The following RBM33 variants were observed in gnomAD, a reference collection of about 807,000 sequenced individuals.
RBM33 encodes RNA binding motif protein 33, also known as RNA-binding protein 33.
In RBM33, 28 loss-of-function variants were observed where a neutral mutation model predicts 132.6. The ratio of observed to expected loss-of-function variants is 0.21; its 90% CI spans 0.16 to 0.29. The LOEUF (loss-of-function observed/expected upper bound fraction) is 0.29, where lower values mean the gene tolerates loss of function less well. RBM33 is among the 10% of genes least tolerant of loss of function. RBM33 has a pLI of 1.00. For synonymous variants in RBM33, 634 were observed against 593.0 expected (o/e 1.07, Z -1.01); for missense variants, 1,291 against 1,518.5 (o/e 0.85, Z 2.49).
chr7:155,671,854 G>A (rs1016256706), intron 2 of RBM33, among the ~76,000 whole-genome samples: 1 of 152,046 alleles, frequency 6.6e-6, no homozygotes, highest in Non-Finnish European at 1.5e-5. Flanking sequence ...TGATCTAGTG[G>A]TAGCCATTTT....
chr7:155,718,149 A>G (rs973941583), intron 8 of RBM33, among the ~76,000 whole-genome samples: 5 of 152,190 alleles, frequency 3.3e-5, no homozygotes, highest in Admixed American at 1.3e-4. Context: ...ATAATAGTCA[A>G]CTATTGAGAT....
chr7:155,732,068 G>A (rs971491136), intron 9 of RBM33, among the ~76,000 whole-genome samples: 1 of 152,162 alleles, frequency 6.6e-6, no homozygotes, highest in Non-Finnish European at 1.5e-5. Flanking sequence ...ACCTGGGGAG[G>A]AGCCTGCCTA....
In RBM33 at chr7:155,744,370, C is replaced by T. The variant is rs567193412; in HGVS notation, c.2338-591C>T. 2.6e-5 allele frequency among the ~76,000 whole-genome samples: 4 copies of T among 152,206 alleles called. No homozygotes were observed. In the South Asian group the frequency reaches 6.2e-4, roughly 24 times the overall value. On this transcript the variant is annotated intron_variant, in intron 13 of 17. Coordinates refer to ENST00000401878, the MANE Select transcript of RBM33 (RefSeq NM_053043.3). ...GGTTTGGAACTTGGAATATTAAAGG[C>T]GTTCCTTATATACCATTAATATTCC...
At chr7:155,678,827 A>G (rs1251713401) in intron 4 of RBM33, 143 bp downstream of exon 4, 7 of 570,186 alleles carry the variant, frequency 1.2e-5, no homozygotes, top group Non-Finnish European at 2.2e-5. Flanking sequence ...AATACTAGTA[A>G]TAACTGTAGA....
At position 155,711,258 on chromosome 7, in the gene RBM33, T is replaced by C. The variant is rs771268458; in HGVS notation, c.1004T>C (p.Leu335Pro). 1 of 1,601,622 alleles carries C rather than the reference T, an allele frequency of 6.2e-7. No homozygotes were observed. The highest frequency in any genetic ancestry group is 1.7e-5 in the Admixed American group (1 of 58,056). ...PPPQQQPIRS[L>P]FQPQPLQPLL... is the part of the protein sequence containing the mutation. ...CCTCAGCAGCAGCCGATCAGAAGCC[T>C]GTTCCAGCCGCAGCCGCTGCAGCCG... is the stretch of plus-strand genomic sequence containing the variant. Residue 335 changes from leucine (L) to proline (P), a missense_variant, in exon 8 of 18, where the codon CTG (leucine) becomes CCG (proline). Coordinates refer to ENST00000401878, the MANE Select transcript of RBM33 (RefSeq NM_053043.3).
At chr7:155,735,932 G>A (rs1419651929) in intron 9 of RBM33, among the ~76,000 whole-genome samples, 1 of 152,086 alleles carries the variant, frequency 6.6e-6, no homozygotes, top group Non-Finnish European at 1.5e-5. Flanking sequence ...CTAATGTCAG[G>A]CAATAGTATG....
chr7:155,684,989 CTG>C (rs2116930414), intron 5 of RBM33: 1 of 1,550,450 alleles, frequency 6.4e-7, no homozygotes, highest in African/African-American at 1.4e-5. Flanking sequence ...AGCAGGAAGA[CTG>C]TGTGGCTGAA....
chr7:155,679,532 A>T (rs1799280277), intron 4 of RBM33, among the ~76,000 whole-genome samples: 1 of 152,174 alleles, frequency 6.6e-6, no homozygotes, highest in Non-Finnish European at 1.5e-5. Flanking sequence ...AATAGTTTTT[A>T]TTTTATGAGG....
At chr7:155,673,940 GTTTTTTTTTTTTTT>G (rs71186053) in intron 3 of RBM33, among the ~76,000 whole-genome samples, 3 of 54,214 alleles carry the variant, frequency 5.5e-5, no homozygotes, top group South Asian at 1.4e-3. Flanking sequence ...TTTAGGCTTA[GTTTTTTTTTTTTTT>G]TTTTTTTTTT....
Position 155,775,069 on chromosome 7 carries a change from C to T in RBM33, c.*28C>T. 2 of 1,597,100 alleles carry T rather than the reference C, an allele frequency of 1.3e-6. No homozygotes were observed. Among genetic ancestry groups the T allele is most frequent in the Non-Finnish European group, 1.7e-6 (2 of 1,164,542 alleles). ...CCTAACAAGAGAGCCTGACCTTAGG[C>T]TGTACACACACTGTGGAATTTCTTC... On this transcript the variant is annotated 3_prime_UTR_variant, in exon 18 of 18. Transcript: ENST00000401878.
chr7:155,672,395 C>A, intron 2 of RBM33, among the ~76,000 whole-genome samples: 1 of 152,274 alleles, frequency 6.6e-6, no homozygotes, highest in Middle Eastern at 3.4e-3. Context: ...AAAATGTTCT[C>A]TGTGCATTTG....
In RBM33 at chr7:155,745,590, G is replaced by A. The variant is rs1231792684; in HGVS notation, c.2967G>A (p.Lys989=). Residue 989 remains lysine (K), a synonymous_variant, in exon 14 of 18, where the codon AAG becomes AAA. Coordinates refer to ENST00000401878, the MANE Select transcript of RBM33 (RefSeq NM_053043.3). The surrounding 1 kb of genome is among the most constrained non-coding windows in gnomAD (Gnocchi z 4.1). ...TCAGCTCCAAGGTCAGGGTGATTAAGCTGTCAGGTGGGGTAAGTTGACAAG... is the reference window on the plus strand; with the variant it reads ...TCAGCTCCAAGGTCAGGGTGATTAAACTGTCAGGTGGGGTAAGTTGACAAG... The part of the protein sequence containing the change: ...PHISSKVRVI[K]LSGGGGESDG... 9 of 1,587,892 alleles carry A rather than the reference G, an allele frequency of 5.7e-6. No homozygotes were observed. The highest frequency in any genetic ancestry group is 1.7e-5 in the Admixed American group (1 of 57,264).
intron 14 of RBM33, among the ~76,000 whole-genome samples, chr7:155,747,738 C>T (rs1801562089): frequency 6.6e-6 from 1 of 152,210 alleles, no homozygotes; most frequent in South Asian, 2.1e-4. Context: ...CCCACATGTT[C>T]GTATCTTAGG....
At chr7:155,725,203 G>GTTTTTTTTTTTTTTTT (rs59050644) in intron 9 of RBM33, among the ~76,000 whole-genome samples, 1 of 105,178 alleles carries the variant, frequency 9.5e-6, no homozygotes, top group African/African-American at 3.3e-5. Context: ...TTTTTTAGTT[G>GTTTTTTTTTTTTTTTT]TTTTTTTTTT....
chr7:155,770,825 C>T (rs981910601), intron 16 of RBM33, among the ~76,000 whole-genome samples: 4 of 152,124 alleles, frequency 2.6e-5, no homozygotes, highest in African/African-American at 7.2e-5. Context: ...GGAAAAGAGG[C>T]GGGTTCTGAA....
At chr7:155,757,407 C>T (rs1234676740) in intron 14 of RBM33, among the ~76,000 whole-genome samples, 1 of 152,104 alleles carries the variant, frequency 6.6e-6, no homozygotes, top group Non-Finnish European at 1.5e-5. Flanking sequence ...CAACCTTTTA[C>T]TTATGTTCAA....
intron 14 of RBM33, among the ~76,000 whole-genome samples, chr7:155,748,712 G>C (rs1212148641): frequency 6.6e-6 from 1 of 151,740 alleles, no homozygotes; most frequent in Non-Finnish European, 1.5e-5. Flanking sequence ...TCGCCTTTCA[G>C]GTGATTTTCC....
chr7:155,695,113 C>T (rs1215588692), intron 5 of RBM33, among the ~76,000 whole-genome samples: 2 of 152,028 alleles, frequency 1.3e-5, no homozygotes, highest in African/African-American at 4.8e-5. Context: ...TTTTAGTTTC[C>T]ATTTGTCTGA....
intron 5 of RBM33, among the ~76,000 whole-genome samples, chr7:155,688,889 G>A (rs924879366): frequency 6.6e-6 from 1 of 152,154 alleles, no homozygotes; most frequent in Non-Finnish European, 1.5e-5. Flanking sequence ...GTATTTTATT[G>A]AGGATTTTTG....
Sources: gnomAD v4.1 joint callset for allele counts (sites outside exome capture counted in the v4.1 genomes callset) on GRCh38, gnomAD v4.1.1 for gene constraint, Gnocchi (gnomAD v3.1) non-coding constraint, MANE v1.5 for transcripts, NCBI Gene and HGNC (gene_info 2026-07-23, HGNC 2026-07-21) for gene names.